Variants in CAST observed in about 807,000 individuals in gnomAD.
CAST encodes MIR583 host.
In CAST, 76 loss-of-function variants were observed where a neutral mutation model predicts 119.6. The ratio of observed to expected loss-of-function variants is 0.64; its 90% CI spans 0.53 to 0.77. The LOEUF (loss-of-function observed/expected upper bound fraction) is 0.77. CAST is among the 30% of genes least tolerant of loss of function. The pLI is 0.00. For missense variants in CAST, 953 were observed against 946.5 expected (o/e 1.01, Z -0.09); for synonymous variants, 319 against 331.6 (o/e 0.96, Z 0.41).
the CAST span, chr5:96,408,450 A>G: frequency 2.8e-6 from 2 of 714,928 alleles, no homozygotes; most frequent in Non-Finnish European, 5.1e-6. Flanking sequence ...TCGATTGCCT[A>G]CTTTCTCCTC....
chr5:96,289,315 AT>A, the CAST span, among the ~76,000 whole-genome samples: 5 of 152,244 alleles, frequency 3.3e-5, no homozygotes, highest in Admixed American at 3.3e-4. Flanking sequence ...ACAGTTGGGA[AT>A]TCTAATCCTG....
At chr5:96,093,960 A>G in the CAST span, among the ~76,000 whole-genome samples, 1 of 152,168 alleles carries the variant, frequency 6.6e-6, no homozygotes, top group African/African-American at 2.4e-5. Flanking sequence ...ACTAGAACCT[A>G]TTCCTGGTTG....
At chr5:96,459,987 G>A in the CAST span, among the ~76,000 whole-genome samples, 1 of 152,120 alleles carries the variant, frequency 6.6e-6, no homozygotes, top group Admixed American at 6.6e-5. Flanking sequence ...AACAGCTTTG[G>A]TCTTTCCAGG....
At chr5:96,466,846 G>T in the CAST span, among the ~76,000 whole-genome samples, 2 of 152,062 alleles carry the variant, frequency 1.3e-5, no homozygotes, top group Non-Finnish European at 2.9e-5. Flanking sequence ...ATTGCTGGAG[G>T]TATAGATTTC....
the CAST span, among the ~76,000 whole-genome samples, chr5:96,355,186 C>T: frequency 6.6e-6 from 1 of 151,836 alleles, no homozygotes; most frequent in Non-Finnish European, 1.5e-5. Flanking sequence ...CCCTAGCCCC[C>T]CACCCCCTGA....
At chr5:96,501,160 A>G in the CAST span, among the ~76,000 whole-genome samples, 1 of 152,270 alleles carries the variant, frequency 6.6e-6, no homozygotes, top group African/African-American at 2.4e-5. Context: ...GTCGGATACC[A>G]GAGGCATCAG....
At chr5:96,342,458 A>G in the CAST span, among the ~76,000 whole-genome samples, 1 of 152,244 alleles carries the variant, frequency 6.6e-6, no homozygotes, top group South Asian at 2.1e-4. Context: ...ACAAGTGCTC[A>G]GGTGAGGCTG....
the CAST span, among the ~76,000 whole-genome samples, chr5:96,132,216 G>A: frequency 7.9e-5 from 12 of 151,678 alleles, no homozygotes; most frequent in African/African-American, 2.9e-4. Context: ...TAAAAGTAAA[G>A]TTGCAAAAGA....
chr5:96,277,303 G>A, the CAST span, among the ~76,000 whole-genome samples: 86,076 of 151,884 alleles, frequency 0.57, 25,648 homozygotes, highest in Non-Finnish European at 0.66. Flanking sequence ...TCTTCCACAA[G>A]CAATGTCTAA....
chr5:96,461,155 C>T, the CAST span, among the ~76,000 whole-genome samples: 1 of 152,134 alleles, frequency 6.6e-6, no homozygotes, highest in Non-Finnish European at 1.5e-5. Context: ...TAATGCAATG[C>T]TTTCAAGATT....
chr5:96,652,874 C>A (rs1227425486), intron 1 of CAST, among the ~76,000 whole-genome samples: 1 of 152,212 alleles, frequency 6.6e-6, no homozygotes, highest in African/African-American at 2.4e-5. Context: ...GCACGGGAAC[C>A]ATAATCCCTT....
intron 1 of CAST, among the ~76,000 whole-genome samples, chr5:96,612,397 A>C (rs2150196510): frequency 6.6e-6 from 1 of 152,318 alleles, no homozygotes; most frequent in East Asian, 1.9e-4. Context: ...TGTGGGCATA[A>C]GATGGGAACA....
At chr5:96,565,151 A>G (rs987882967) in intron 1 of CAST, among the ~76,000 whole-genome samples, 2 of 151,564 alleles carry the variant, frequency 1.3e-5, no homozygotes, top group African/African-American at 2.4e-5. Context: ...TGGAAAATTT[A>G]GAAGCAATTA....
At chr5:96,561,786 G>GGTTTTGTTTTT (rs1189100090) in intron 1 of CAST, among the ~76,000 whole-genome samples, 3 of 105,432 alleles carry the variant, frequency 2.8e-5, no homozygotes, top group Non-Finnish European at 5.6e-5. Context: ...TTATATATAT[G>GGTTTTGTTTTT]TTTTTTTTTG....
At chr5:96,767,610 T>C in intron 28 of CAST, 128 bp downstream of exon 28, 2 of 700,322 alleles carry the variant, frequency 2.9e-6, no homozygotes, top group South Asian at 3.6e-5. Context: ...AAAGCATGCA[T>C]ATAAATGTGT....
chr5:96,489,289 C>T, the CAST span, among the ~76,000 whole-genome samples: 6 of 152,110 alleles, frequency 3.9e-5, no homozygotes, highest in Non-Finnish European at 5.9e-5. Flanking sequence ...TCAAAGGATG[C>T]CTGAAGAGTA....
the CAST span, among the ~76,000 whole-genome samples, chr5:96,446,277 A>G: frequency 6.6e-6 from 1 of 152,178 alleles, no homozygotes; most frequent in Non-Finnish European, 1.5e-5. Flanking sequence ...TTGTTAATAT[A>G]ACTTGACTTT....
the CAST span, among the ~76,000 whole-genome samples, chr5:96,380,099 C>T: frequency 9.7e-3 from 1,477 of 152,244 alleles, 30 homozygotes; most frequent in African/African-American, 0.034. Context: ...CCCTGGAAGT[C>T]CTGATATCTT....
the CAST span, among the ~76,000 whole-genome samples, chr5:96,023,331 A>C: frequency 6.6e-6 from 1 of 152,196 alleles, no homozygotes; most frequent in Non-Finnish European, 1.5e-5. Flanking sequence ...AAAGGCACTA[A>C]TTTTTGGTGA....
Sources: allele counts gnomAD v4.1 joint callset (sites outside exome capture counted in the v4.1 genomes callset), GRCh38; gene constraint gnomAD v4.1.1; transcripts MANE v1.5; gene names NCBI Gene and HGNC (gene_info 2026-07-23, HGNC 2026-07-21).